CACNA1B: variants seen among roughly 807,000 people sequenced by gnomAD.
The protein encoded by CACNA1B is calcium voltage-gated channel subunit alpha1 B.
Under a neutral mutation model 247.2 loss-of-function variants are expected in CACNA1B, and 70 were observed. The ratio of observed to expected loss-of-function variants is 0.28; its 90% CI spans 0.23 to 0.35. The LOEUF (loss-of-function observed/expected upper bound fraction) is 0.35, where lower values mean the gene tolerates loss of function less well. Among genes scored for constraint, CACNA1B ranks in the 10% least tolerant of loss-of-function variants. CACNA1B has a pLI of 1.00. For missense variants in CACNA1B, 2,367 were observed against 3,197.4 expected, an observed-to-expected ratio of 0.74 and a Z score of 6.26; for synonymous variants, 1,231 against 1,294.4, an observed-to-expected ratio of 0.95 and a Z score of 1.05.
intron 6 of CACNA1B, among the ~76,000 whole-genome samples, chr9:137,925,768 A>G (rs1364219613): frequency 6.7e-6 from 1 of 148,600 alleles, no homozygotes; most frequent in East Asian, 2.0e-4. Flanking sequence ...TTTGAGATGG[A>G]GTCTTGCTCT....
Position 138,107,266 on chromosome 9 carries a change from A to ATT in CACNA1B, c.5428+1460_5428+1461insTT, listed in dbSNP as rs1188436196. On this transcript the variant is annotated intron_variant, in intron 39 of 46. Transcript: ENST00000371372. Reference sequence around the variant, plus strand: ...TATTTATTTATTTATTTATTTATTTATATAGGGTCTCACTGTGTCACCCAG... The same window carrying ATT: ...TATTTATTTATTTATTTATTTATTTATTTATAGGGTCTCACTGTGTCACCCAG... Among the ~76,000 whole-genome samples the ATT allele has an allele frequency of 1.1e-3, 91 of 79,596 alleles. 1 individual carries two copies. In the East Asian group the frequency reaches 0.022, roughly 19 times the overall value. The allele number at this position is 79,596 out of a possible 152,430, so 52.2% of individuals were successfully genotyped here.
intron 40 of CACNA1B, 144 bp downstream of exon 40, chr9:138,112,649 A>T (rs1194882533): frequency 1.6e-6 from 1 of 633,844 alleles, no homozygotes; most frequent in Non-Finnish European, 2.9e-6. Context: ...ATCTGCCCTC[A>T]GCTCCAACCA....
intron 3 of CACNA1B, among the ~76,000 whole-genome samples, chr9:137,885,926 G>A (rs1217720289): frequency 6.6e-6 from 1 of 150,660 alleles, no homozygotes; most frequent in Non-Finnish European, 1.5e-5. Flanking sequence ...TGTGCCCAGG[G>A]CCTCCAGGCC....
intron 20 of CACNA1B, among the ~76,000 whole-genome samples, chr9:138,043,108 C>T (rs533181980): frequency 1.3e-5 from 2 of 152,264 alleles, no homozygotes; most frequent in South Asian, 4.2e-4. Flanking sequence ...AGGTGGCGGC[C>T]ATATTAGCCC....
At chr9:137,925,192 G>T (rs1434118447) in intron 6 of CACNA1B, among the ~76,000 whole-genome samples, 1 of 152,206 alleles carries the variant, frequency 6.6e-6, no homozygotes, top group Admixed American at 6.5e-5. Context: ...CCTACAGATC[G>T]GCAGGGAGGG....
Position 138,023,123 on chromosome 9 carries a change from G to A in CACNA1B, c.2380G>A (p.Glu794Lys), listed in dbSNP as rs774787977. Residue 794 changes from glutamate (E) to lysine (K), a missense_variant, in exon 19 of 47, where the codon GAG (glutamate) becomes AAG (lysine). Physicochemically the swap from Glu to Lys is moderately conservative, Grantham distance 56. This residue lies in a region of CACNA1B where 631 missense variants were observed against 631.1 expected (regional missense o/e 1.00). Coordinates refer to ENST00000371372, the MANE Select transcript of CACNA1B (RefSeq NM_000718.4). Reference sequence around the variant, plus strand: ...GGCGCTGTACAGCGAGATGGACCCCGAGGAGCGGCTGCGCTTCGCCACTAC... The same window carrying A: ...GGCGCTGTACAGCGAGATGGACCCCAAGGAGCGGCTGCGCTTCGCCACTAC... The part of the protein sequence containing the change: ...CEALYSEMDP[E>K]ERLRFATTRH... 28 of 1,536,850 alleles carry A rather than the reference G, an allele frequency of 1.8e-5. No homozygotes were observed. Among genetic ancestry groups the A allele is most frequent in the Non-Finnish European group, 2.3e-5 (26 of 1,149,258 alleles).
At position 138,052,235 on chromosome 9, in the gene CACNA1B, C is replaced by CGTGTGT. The variant is rs750199564; in HGVS notation, c.3807+55_3807+60dup. Reference sequence around the variant, plus strand: ...TTGAGGGATGTGCTGTGTGTGTGTGCGTGTGTGTGTGTGCGTGTGTGTGTG... The same window carrying CGTGTGT: ...TTGAGGGATGTGCTGTGTGTGTGTGCGTGTGTGTGTGTGTGTGTGCGTGTGTGTGTG... On this transcript the variant is annotated intron_variant, in intron 25 of 46. Transcript: ENST00000371372. The surrounding 1 kb of genome is among the most constrained non-coding windows in gnomAD (Gnocchi z 5.1). The CGTGTGT allele has an allele frequency of 4.2e-6, 4 of 948,812 alleles. No homozygotes were observed. The South Asian group carries it at 5.6e-5, about 13-fold the overall frequency. The allele number at this position is 948,812 out of a possible 1,614,324, so 58.8% of individuals were successfully genotyped here.
chr9:138,013,290 A>G (rs1589068226), intron 18 of CACNA1B, 55 bp downstream of exon 18: 8 of 1,363,474 alleles, frequency 5.9e-6, no homozygotes, highest in Non-Finnish European at 8.0e-6. Context: ...GCAGGGTCCC[A>G]TGGCTGGGCC....
At chr9:138,039,798 C>T (rs551059137) in intron 20 of CACNA1B, among the ~76,000 whole-genome samples, 19 of 151,896 alleles carry the variant, frequency 1.3e-4, no homozygotes, top group African/African-American at 3.6e-4. Context: ...TATGTGCTTC[C>T]GAGGGATATG....
At chr9:137,895,158 C>G (rs984738818) in intron 3 of CACNA1B, among the ~76,000 whole-genome samples, 1 of 152,166 alleles carries the variant, frequency 6.6e-6, no homozygotes, top group Non-Finnish European at 1.5e-5. Flanking sequence ...ACTGGGCGTG[C>G]TTGTCTGGAC....
rs1960204363 is a variant in CACNA1B at position 138,073,510 on chromosome 9, T to A, written c.4697T>A (p.Phe1566Tyr). The change falls in exon 33 of 47, where the codon TTC (phenylalanine) becomes TAC (tyrosine). Residue 1566 changes from phenylalanine to tyrosine, a missense_variant. By Grantham distance (22) the Phe-to-Tyr change is conservative (BLOSUM62 3). Transcript: ENST00000371372. This position sits in a 1 kb window ranked among gnomAD's most constrained non-coding sequence, Gnocchi z 6.4. ...AETNNFINLS[F>Y]LRLFRAARLI... ...CAGAACAATTTCATCAACCTCAGCT[T>A]CCTCCGCCTCTTTCGAGCTGCGCGG... The A allele has an allele frequency of 6.2e-7, 1 of 1,612,374 alleles. No individual in the cohort carries two copies. The highest frequency in any genetic ancestry group is 8.5e-7 in the Non-Finnish European group (1 of 1,178,638).
At chr9:138,056,186 A>G (rs1764741188) in intron 26 of CACNA1B, among the ~76,000 whole-genome samples, 1 of 151,946 alleles carries the variant, frequency 6.6e-6, no homozygotes, top group Admixed American at 6.6e-5. Context: ...TTTAGAACAC[A>G]TTTTCAGCAC....
intron 12 of CACNA1B, among the ~76,000 whole-genome samples, chr9:137,979,425 A>G (rs1958267973): frequency 6.6e-6 from 1 of 152,166 alleles, no homozygotes; most frequent in African/African-American, 2.4e-5. Context: ...TATGTACATA[A>G]GACAGAAGTT....
In CACNA1B at chr9:138,053,890, C is replaced by T; in HGVS notation, c.3852C>T (p.Asn1284=). ...TGAACTCCCTGAAGAATGTCCTCAA[C>T]ATCTTGATTGTCTACATGCTCTTCA... is the stretch of plus-strand genomic sequence containing the variant. The part of the protein sequence containing the change: ...CVVNSLKNVL[N]ILIVYMLFMF... Residue 1284 remains asparagine (N), a synonymous_variant, in exon 26 of 47, where the codon AAC becomes AAT. Transcript: ENST00000371372. 8 of 1,613,064 alleles carry T rather than the reference C, an allele frequency of 5.0e-6. No individual in the cohort carries two copies. The highest frequency in any genetic ancestry group is 6.8e-6 in the Non-Finnish European group (8 of 1,179,070).
At chr9:137,890,558 G>A (rs1957083477) in intron 3 of CACNA1B, 1 of 150,522 alleles carries the variant, frequency 6.6e-6, no homozygotes, top group Non-Finnish European at 1.5e-5. Context: ...CAACGGCAAA[G>A]TCCCCATGCC....
intron 3 of CACNA1B, among the ~76,000 whole-genome samples, chr9:137,900,121 C>T (rs1957215868): frequency 6.6e-6 from 1 of 152,092 alleles, no homozygotes; most frequent in Admixed American, 6.5e-5. Flanking sequence ...GTGGCTAGAC[C>T]AGGCCTGACT....
rs1262574858 is a variant in CACNA1B, at chr9:138,010,168, G to A, written c.2160+91G>A. 22 of 1,015,158 alleles carry A rather than the reference G, an allele frequency of 2.2e-5. No individual in the cohort carries two copies. The highest frequency in any genetic ancestry group is 1.2e-4 in the South Asian group (9 of 74,296). The allele number at this position is 1,015,158 out of a possible 1,614,324, so 62.9% of individuals were successfully genotyped here. A position where few individuals can be genotyped will look rare whatever the true frequency, so the allele number is the denominator to read the frequency against. ...AGTCTGGGTCCTGGGTTAGGGCCTC[G>A]TGTCCAGGAGCGTTGCCTTGGGTCC... On this transcript the variant is annotated intron_variant, in intron 17 of 46. Coordinates refer to ENST00000371372, the MANE Select transcript of CACNA1B (RefSeq NM_000718.4). This position sits in a 1 kb window ranked among gnomAD's most constrained non-coding sequence, Gnocchi z 5.3.
In CACNA1B at chr9:137,881,394, C is replaced by A. The variant is rs745364383; in HGVS notation, c.391-1350C>A. ...GTGGGAGTCAGATGCGGAGAGCCCT[C>A]GAGAGCCTGGCTTCCTGGGGAGGAA... On this transcript the variant is annotated intron_variant, in intron 2 of 46. Coordinates refer to ENST00000371372, the MANE Select transcript of CACNA1B (RefSeq NM_000718.4). This position sits in a 1 kb window ranked among gnomAD's most constrained non-coding sequence, Gnocchi z 4.3. 6.6e-6 allele frequency among the ~76,000 whole-genome samples: 1 copy of A among 152,126 alleles called. No individual in the cohort carries two copies.
rs1957390024 is a variant in CACNA1B, at chr9:137,914,471, A to C, written c.623-183A>C. On this transcript the variant is annotated intron_variant, in intron 4 of 46. Transcript: ENST00000371372. The surrounding 1 kb of genome is among the most constrained non-coding windows in gnomAD (Gnocchi z 4.3). ...CCTAGGACTCTCAGCTCTGCCCTAC[A>C]CAAGCACTCTCTGCCCCTCTGCGCC... is the stretch of plus-strand genomic sequence containing the variant. 6.6e-6 allele frequency among the ~76,000 whole-genome samples: 1 copy of C among 151,982 alleles called. No homozygotes were observed. The highest frequency in any genetic ancestry group is 2.1e-4 in the South Asian group (1 of 4,812).
Sources: allele counts gnomAD v4.1 joint callset (sites outside exome capture counted in the v4.1 genomes callset), GRCh38; gene constraint gnomAD v4.1.1; regional missense constraint gnomAD v4.1.1; non-coding constraint Gnocchi (gnomAD v3.1); transcripts MANE v1.5; gene names NCBI Gene and HGNC (gene_info 2026-07-23, HGNC 2026-07-21).